Variants in CSMD3 observed in about 807,000 individuals in gnomAD.
CSMD3 encodes the protein CUB and Sushi multiple domains 3, also known as CUB and sushi domain-containing protein 3.
A neutral mutation model predicts 435.2 loss-of-function variants in CSMD3; 177 were observed. The observed-to-expected ratio is 0.41, with a 90% CI of 0.36 to 0.46. The LOEUF is 0.46. Ranked by LOEUF, CSMD3 falls within the 20% of genes least tolerant of loss-of-function variation. The pLI, the probability that CSMD3 is intolerant of heterozygous loss-of-function variation, is 0.34. For missense variants in CSMD3, 4,265 were observed against 4,504.6 expected (o/e 0.95, Z 1.52); for synonymous variants, 1,656 against 1,520.5 (o/e 1.09, Z -2.07).
chr8:113,195,325 G>T (rs1241508691), intron 3 of CSMD3, among the ~76,000 whole-genome samples: 1 of 148,142 alleles, frequency 6.8e-6, no homozygotes, highest in Non-Finnish European at 1.5e-5. Flanking sequence ...GCAGACTATT[G>T]AAAGAGCTGA....
Position 113,027,415 on chromosome 8 carries a change from C to A in CSMD3, c.918-8236G>T, listed in dbSNP as rs373754441. 2.6e-5 allele frequency among the ~76,000 whole-genome samples: 4 copies of A among 152,116 alleles called. No homozygotes were observed. In the East Asian group the frequency reaches 7.7e-4, roughly 29 times the overall value. Reference sequence around the variant, plus strand: ...AAATATTTTAGGAACTAAATTAATTCACTTATGGAATGACGTTAAATGCAT... The same window carrying A: ...AAATATTTTAGGAACTAAATTAATTAACTTATGGAATGACGTTAAATGCAT... On this transcript the variant is annotated intron_variant, in intron 5 of 70. Transcript: ENST00000297405.
intron 22 of CSMD3, among the ~76,000 whole-genome samples, chr8:112,628,370 T>C (rs975571581): frequency 1.4e-5 from 2 of 147,080 alleles, no homozygotes; most frequent in Non-Finnish European, 3.0e-5. Flanking sequence ...AGTAGTCTTT[T>C]CAGGCATCTT....
chr8:113,375,884 T>C (rs1415388082), intron 1 of CSMD3, among the ~76,000 whole-genome samples: 1 of 152,184 alleles, frequency 6.6e-6, no homozygotes, highest in Non-Finnish European at 1.5e-5. Flanking sequence ...TTAAAATAAG[T>C]ATCAGAAGTC....
intron 1 of CSMD3, among the ~76,000 whole-genome samples, chr8:113,323,306 GAATA>G (rs1563698899): frequency 1.3e-5 from 2 of 152,108 alleles, no homozygotes; most frequent in Non-Finnish European, 2.9e-5. Flanking sequence ...TAAAAAGAAT[GAATA>G]GATAAACAGT....
At position 113,384,419 on chromosome 8, in the gene CSMD3, CTAAG is replaced by C. The variant is rs563983535; in HGVS notation, c.178+52254_178+52257del. Among the ~76,000 whole-genome samples, 404 of 152,216 alleles carry C rather than the reference CTAAG, an allele frequency of 2.7e-3. 5 individuals carry two copies. The highest frequency in any genetic ancestry group is 9.3e-3 in the African/African-American group (388 of 41,530). On this transcript the variant is annotated intron_variant, in intron 1 of 70. Coordinates refer to ENST00000297405, the MANE Select transcript of CSMD3 (RefSeq NM_198123.2). The stretch of plus-strand genomic sequence containing the variant: ...TCCAGACAGGAAGACAAAAAACATA[CTAAG>C]TGTTTCAATAGAAAGAACGTATGTT...
intron 1 of CSMD3, among the ~76,000 whole-genome samples, chr8:113,397,546 C>G (rs557459121): frequency 1.4e-4 from 22 of 152,106 alleles, no homozygotes; most frequent in African/African-American, 5.3e-4. Context: ...GTGGGCCGGG[C>G]GCGGTGGCTC....
intron 32 of CSMD3, among the ~76,000 whole-genome samples, chr8:112,433,665 A>AAAG (rs1405737224): frequency 1.3e-5 from 2 of 150,638 alleles, no homozygotes; most frequent in East Asian, 1.9e-4. Context: ...AAAAAAAAAA[A>AAAG]AAAAAAAGAA....
intron 47 of CSMD3, among the ~76,000 whole-genome samples, chr8:112,316,401 G>A (rs1306177757): frequency 6.6e-6 from 1 of 151,594 alleles, no homozygotes; most frequent in African/African-American, 2.4e-5. Context: ...AGATAAACCT[G>A]AAGATTGGAA....
At chr8:113,098,647 TA>T in intron 5 of CSMD3, 108 bp downstream of exon 5, 1 of 764,518 alleles carries the variant, frequency 1.3e-6, no homozygotes, top group Non-Finnish European at 2.3e-6. Flanking sequence ...AACTTTCCTG[TA>T]AGATCTTTTA....
intron 44 of CSMD3, 85 bp downstream of exon 44, chr8:112,336,567 A>G: frequency 9.6e-7 from 1 of 1,046,580 alleles, no homozygotes; most frequent in Non-Finnish European, 1.5e-6. Context: ...ACAATTTGTA[A>G]CAGAGGATTG....
chr8:113,100,357 C>CT (rs1274814316), intron 4 of CSMD3, among the ~76,000 whole-genome samples: 1 of 151,988 alleles, frequency 6.6e-6, no homozygotes, highest in Non-Finnish European at 1.5e-5. Flanking sequence ...CCTTCAAGAC[C>CT]TAAATCTTCT....
chr8:113,397,124 C>A (rs2094487205), intron 1 of CSMD3, among the ~76,000 whole-genome samples: 1 of 151,782 alleles, frequency 6.6e-6, no homozygotes, highest in Non-Finnish European at 1.5e-5. Flanking sequence ...TAATTTATAC[C>A]CTTGTCAATT....
At position 112,916,422 on chromosome 8, in the gene CSMD3, A is replaced by C. The variant is rs941783800; in HGVS notation, c.1633+5205T>G. On this transcript the variant is annotated intron_variant, in intron 10 of 70. Transcript: ENST00000297405. ...TAGAGCTTAGTAAGGCTTGTTTCCTAATCAAAATGGTTTAATAAAGCTTCA... is the reference window on the plus strand; with the variant it reads ...TAGAGCTTAGTAAGGCTTGTTTCCTCATCAAAATGGTTTAATAAAGCTTCA... Among the ~76,000 whole-genome samples the C allele has an allele frequency of 5.3e-5, 8 of 151,962 alleles. 1 individual carries two copies. The highest frequency in any genetic ancestry group is 1.9e-4 in the African/African-American group (8 of 41,514).
chr8:113,174,143 A>G (rs1357850351), intron 3 of CSMD3, among the ~76,000 whole-genome samples: 9 of 152,130 alleles, frequency 5.9e-5, no homozygotes, highest in Non-Finnish European at 1.5e-5. Context: ...AAAGTTTTAG[A>G]TATTATATTA....
chr8:112,266,249 T>C (rs932477739), intron 59 of CSMD3, among the ~76,000 whole-genome samples: 1 of 151,852 alleles, frequency 6.6e-6, no homozygotes, highest in Non-Finnish European at 1.5e-5. Context: ...TAAAAGGAGG[T>C]AGGACAATAG....
intron 35 of CSMD3, among the ~76,000 whole-genome samples, chr8:112,392,873 T>C (rs1167389137): frequency 1.4e-5 from 2 of 147,838 alleles, no homozygotes; most frequent in East Asian, 1.9e-4. Context: ...TCTTTTTTTT[T>C]TTTTTTTTTT....
At chr8:112,299,437 A>G (rs1333438383) in intron 53 of CSMD3, among the ~76,000 whole-genome samples, 1 of 152,170 alleles carries the variant, frequency 6.6e-6, no homozygotes, top group African/African-American at 2.4e-5. Flanking sequence ...AACAAAGTAT[A>G]CTGATGTTTA....
At chr8:112,838,926 C>CTTA (rs2080103639) in intron 11 of CSMD3, among the ~76,000 whole-genome samples, 1 of 151,594 alleles carries the variant, frequency 6.6e-6, no homozygotes, top group Non-Finnish European at 1.5e-5. Context: ...AACTATGACA[C>CTTA]ATCAGAATTC....
intron 1 of CSMD3, among the ~76,000 whole-genome samples, chr8:113,316,298 C>G (rs1478678): frequency 6.6e-6 from 1 of 151,956 alleles, no homozygotes; most frequent in East Asian, 1.9e-4. Context: ...CCAAAAGCAT[C>G]TATGTTTGGA....
Sources: gnomAD v4.1 joint callset for allele counts (sites outside exome capture counted in the v4.1 genomes callset) on GRCh38, gnomAD v4.1.1 for gene constraint, MANE v1.5 for transcripts, NCBI Gene and HGNC (gene_info 2026-07-23, HGNC 2026-07-21) for gene names.